DOCK2: variants seen among roughly 807,000 people sequenced by gnomAD.
DOCK2 encodes dedicator of cytokinesis 2.
In DOCK2, 87 loss-of-function variants were observed where a neutral mutation model predicts 248.9. The ratio of observed to expected loss-of-function variants is 0.35; its 90% CI spans 0.29 to 0.42. The LOEUF is 0.42. Ranked by LOEUF, DOCK2 falls within the 10% of genes least tolerant of loss-of-function variation. DOCK2 has a pLI of 1.00. For missense variants in DOCK2, 1,747 were observed against 2,300.2 expected, an observed-to-expected ratio of 0.76 and a Z score of 4.92; for synonymous variants, 805 against 821.6, an observed-to-expected ratio of 0.98 and a Z score of 0.35.
intron 27 of DOCK2, among the ~76,000 whole-genome samples, chr5:169,904,187 T>C (rs261051): frequency 0.34 from 51,932 of 151,450 alleles, 9,287 homozygotes; most frequent in East Asian, 0.54. Context: ...AAAAGCAGCA[T>C]ACTGACCTAG....
chr5:169,796,603 C>A (rs973276589), intron 25 of DOCK2, among the ~76,000 whole-genome samples: 6 of 152,136 alleles, frequency 3.9e-5, no homozygotes, highest in South Asian at 2.1e-4. Flanking sequence ...GTTACATAGA[C>A]AATGACCATA....
At chr5:169,990,208 C>T (rs1026053225) in intron 29 of DOCK2, among the ~76,000 whole-genome samples, 2 of 152,132 alleles carry the variant, frequency 1.3e-5, no homozygotes, top group African/African-American at 2.4e-5. Flanking sequence ...CGGTGATTCT[C>T]TTGCTTCAGC....
chr5:170,020,796 T>A (rs1300672836), intron 33 of DOCK2, among the ~76,000 whole-genome samples: 2 of 152,176 alleles, frequency 1.3e-5, no homozygotes, highest in Admixed American at 6.5e-5. Flanking sequence ...TTTCCCTAAA[T>A]ATGTCCATGA....
rs1758095401 is a variant in DOCK2, at chr5:170,083,204, A to C, written c.*346A>C. On this transcript the variant is annotated 3_prime_UTR_variant, in exon 52 of 52. Transcript: ENST00000520908. ...GAAACTGTTTTTATCTCATTTATTAAGTCTCAGAACTTAACAGAAAAGGAA... is the reference window on the plus strand; with the variant it reads ...GAAACTGTTTTTATCTCATTTATTACGTCTCAGAACTTAACAGAAAAGGAA... The C allele has an allele frequency of 4.5e-6, 1 of 220,556 alleles. No individual in the cohort carries two copies. The allele number at this position is 220,556 out of a possible 1,614,324, so 13.7% of individuals were successfully genotyped here.
At chr5:170,032,989 C>T (rs973914292) in intron 34 of DOCK2, among the ~76,000 whole-genome samples, 1 of 152,176 alleles carries the variant, frequency 6.6e-6, no homozygotes, top group African/African-American at 2.4e-5. Flanking sequence ...CTAAATTTAA[C>T]AATGATTGGC....
intron 27 of DOCK2, among the ~76,000 whole-genome samples, chr5:169,854,319 G>A (rs1321752739): frequency 6.6e-6 from 1 of 151,930 alleles, no homozygotes; most frequent in Non-Finnish European, 1.5e-5. Context: ...CTTAGTAAGT[G>A]GGATTACAGG....
Position 170,027,939 on chromosome 5 carries a change from T to A in DOCK2, c.3458T>A (p.Leu1153Gln), listed in dbSNP as rs1216000206. The stretch of plus-strand genomic sequence containing the variant: ...GGCGACGAGCAGTACATGCAGCTCC[T>A]GGAGTCAATGTAAGTTCAGTGCCCT... ...GRGDEQYMQL[L>Q]ESILMECAAE... Residue 1153 changes from leucine (L) to glutamine (Q), a missense_variant, in exon 34 of 52, where the codon CTG (leucine) becomes CAG (glutamine). By Grantham distance (113) the Leu-to-Gln change is moderately radical (BLOSUM62 -2). Transcript: ENST00000520908. 1 of 1,612,240 alleles carries A rather than the reference T, an allele frequency of 6.2e-7. No individual in the cohort carries two copies. The highest frequency in any genetic ancestry group is 8.5e-7 in the Non-Finnish European group (1 of 1,179,012).
Position 169,788,189 on chromosome 5 carries a change from A to C in DOCK2, c.2555-14869A>C, listed in dbSNP as rs115865079. Among the ~76,000 whole-genome samples the C allele has an allele frequency of 7.5e-3, 1,146 of 152,126 alleles. 23 individuals are homozygous for C. The highest frequency in any genetic ancestry group is 0.027 in the African/African-American group (1,104 of 41,474). On this transcript the variant is annotated intron_variant, in intron 25 of 51. Coordinates refer to ENST00000520908, the MANE Select transcript of DOCK2 (RefSeq NM_004946.3). ...TCATATATGCCTTGAATCTGGTCAC[A>C]TCTCTCTCTTTATCACTTGCATGCT... is the stretch of plus-strand genomic sequence containing the variant.
intron 27 of DOCK2, among the ~76,000 whole-genome samples, chr5:169,915,511 C>T (rs1280765711): frequency 6.6e-6 from 1 of 150,938 alleles, no homozygotes; most frequent in African/African-American, 2.4e-5. Context: ...GACTCATTTC[C>T]AATTTGCCTG....
intron 36 of DOCK2, among the ~76,000 whole-genome samples, chr5:170,040,366 G>C (rs1464794553): frequency 1.3e-5 from 2 of 152,258 alleles, no homozygotes; most frequent in East Asian, 3.9e-4. Context: ...TCATAACTGG[G>C]ATCTCACTTT....
intron 27 of DOCK2, among the ~76,000 whole-genome samples, chr5:169,863,220 T>C (rs1262215504): frequency 2.0e-5 from 3 of 152,204 alleles, no homozygotes. Flanking sequence ...TCCTCATCCA[T>C]AGTCCTGCTA....
At chr5:169,755,502 G>A (rs937856307) in intron 23 of DOCK2, among the ~76,000 whole-genome samples, 2 of 152,130 alleles carry the variant, frequency 1.3e-5, no homozygotes, top group South Asian at 2.1e-4. Flanking sequence ...CAGCACTTTG[G>A]GAGGCTGAGG....
chr5:169,715,361 ACCCAT>A, intron 19 of DOCK2, among the ~76,000 whole-genome samples: 1 of 152,222 alleles, frequency 6.6e-6, no homozygotes, highest in South Asian at 2.1e-4. Flanking sequence ...GGAAATATTG[ACCCAT>A]CCCTTAGGAG....
chr5:169,670,034 T>C (rs1208364087), intron 3 of DOCK2, among the ~76,000 whole-genome samples: 1 of 152,244 alleles, frequency 6.6e-6, no homozygotes, highest in Non-Finnish European at 1.5e-5. Context: ...GCAGGCAGAA[T>C]AGGTCTCAAA....
intron 27 of DOCK2, among the ~76,000 whole-genome samples, chr5:169,846,767 G>A (rs1365500783): frequency 6.6e-6 from 1 of 152,012 alleles, no homozygotes; most frequent in African/African-American, 2.4e-5. Context: ...TTATATAGTG[G>A]TGAATTCTGA....
chr5:169,749,043 G>C (rs1248633829), intron 23 of DOCK2, among the ~76,000 whole-genome samples: 1 of 152,248 alleles, frequency 6.6e-6, no homozygotes, highest in Non-Finnish European at 1.5e-5. Flanking sequence ...AAGAGTCCTT[G>C]TGTGGGATTT....
intron 27 of DOCK2, among the ~76,000 whole-genome samples, chr5:169,860,343 A>G (rs746012836): frequency 5.9e-5 from 9 of 151,866 alleles, no homozygotes; most frequent in Non-Finnish European, 1.2e-4. Flanking sequence ...TCTCTCTCCC[A>G]ATTTACTTCA....
chr5:169,647,314 G>A (rs1757522464), intron 1 of DOCK2, among the ~76,000 whole-genome samples: 1 of 151,830 alleles, frequency 6.6e-6, no homozygotes, highest in Non-Finnish European at 1.5e-5. Context: ...TGGGTGGGTA[G>A]ATGGATGATA....
chr5:169,955,785 T>C (rs1486007088), intron 27 of DOCK2, among the ~76,000 whole-genome samples: 1 of 152,204 alleles, frequency 6.6e-6, no homozygotes, highest in Non-Finnish European at 1.5e-5. Flanking sequence ...CCCAGGGCTT[T>C]AGCAAAGTAC....
Sources: allele counts gnomAD v4.1 joint callset (sites outside exome capture counted in the v4.1 genomes callset), GRCh38; gene constraint gnomAD v4.1.1; transcripts MANE v1.5; gene names NCBI Gene and HGNC (gene_info 2026-07-23, HGNC 2026-07-21).